Variants in DPP6 observed in about 807,000 individuals in gnomAD.
The protein encoded by DPP6 is A-type potassium channel modulatory protein DPP6.
Under a neutral mutation model 122.6 loss-of-function variants are expected in DPP6, and 69 were observed. That is an observed-to-expected ratio of 0.56 (90% CI 0.46 to 0.69). The LOEUF (loss-of-function observed/expected upper bound fraction) is 0.69, where lower values mean the gene tolerates loss of function less well. Ranked by LOEUF, DPP6 falls within the 30% of genes least tolerant of loss-of-function variation. The pLI is 0.00. For synonymous variants in DPP6, 418 were observed against 433.1 expected, an observed-to-expected ratio of 0.97 and a Z score of 0.43; for missense variants, 928 against 1,116.9, an observed-to-expected ratio of 0.83 and a Z score of 2.41.
upstream of DPP6, among the ~76,000 whole-genome samples, chr7:153,884,853 AC>A (rs1227327356): frequency 5.3e-5 from 8 of 151,386 alleles, no homozygotes; most frequent in East Asian, 1.4e-3. Flanking sequence ...GGTGGTGGGC[AC>A]CTGTAGTCCC....
chr7:154,716,732 T>TATATTATG (rs1284134369), intron 7 of DPP6, among the ~76,000 whole-genome samples: 1 of 147,122 alleles, frequency 6.8e-6, no homozygotes. Flanking sequence ...GATAGCTCAA[T>TATATTATG]ATATTATGCC....
At chr7:154,422,225 G>A (rs1261336236) in intron 1 of DPP6, among the ~76,000 whole-genome samples, 1 of 152,188 alleles carries the variant, frequency 6.6e-6, no homozygotes, top group Non-Finnish European at 1.5e-5. Context: ...AAAAGCTGGA[G>A]CACAAGGAAA....
chr7:154,295,652 T>A lies in DPP6; in HGVS notation c.244-150562T>A, dbSNP rs1401383550. On this transcript the variant is annotated intron_variant, in intron 1 of 25. Coordinates refer to ENST00000377770, the MANE Select transcript of DPP6 (RefSeq NM_130797.4). ...TTCACTTCCTTTTTCCTTATTTCCC[T>A]CATAATCCACTCCCCTTCCCCTCCC... Among the ~76,000 whole-genome samples the A allele has an allele frequency of 4.6e-5, 7 of 152,228 alleles. No individual in the cohort carries two copies. In the East Asian group the frequency reaches 1.4e-3, roughly 29 times the overall value.
intron 6 of DPP6, among the ~76,000 whole-genome samples, chr7:154,655,655 G>A (rs1010424557): frequency 2.6e-5 from 4 of 152,242 alleles, no homozygotes; most frequent in African/African-American, 7.2e-5. Context: ...TCCGGGACAT[G>A]CTGGAAAATC....
At chr7:154,161,006 G>A (rs1392996875) in intron 1 of DPP6, among the ~76,000 whole-genome samples, 5 of 152,132 alleles carry the variant, frequency 3.3e-5, no homozygotes, top group Non-Finnish European at 7.3e-5. Flanking sequence ...ACCAGCAGTG[G>A]CAGGTCTACT....
At chr7:154,511,578 C>G (rs6964455) in intron 3 of DPP6, among the ~76,000 whole-genome samples, 67,193 of 151,988 alleles carry the variant, frequency 0.44, 15,050 homozygotes, top group Middle Eastern at 0.48. Context: ...AATGAGAAAG[C>G]AGCTGAAAGA....
chr7:154,239,553 T>A (rs984198744), intron 1 of DPP6, among the ~76,000 whole-genome samples: 4 of 138,644 alleles, frequency 2.9e-5, no homozygotes, highest in Admixed American at 2.0e-4. Context: ...TATTGTAAGA[T>A]CACTTTATTG....
At chr7:154,072,484 T>C (rs1803187538) in intron 1 of DPP6, among the ~76,000 whole-genome samples, 1 of 152,156 alleles carries the variant, frequency 6.6e-6, no homozygotes, top group Admixed American at 6.5e-5. Flanking sequence ...TCCCTGATTG[T>C]GCATTTGTAA....
chr7:154,283,840 C>T (rs967622319), intron 1 of DPP6, among the ~76,000 whole-genome samples: 2 of 152,176 alleles, frequency 1.3e-5, no homozygotes, highest in African/African-American at 4.8e-5. Context: ...GGGACATTTG[C>T]TCCTTATTCT....
At position 154,013,751 on chromosome 7, in the gene DPP6, C is replaced by T. The variant is rs554537232; in HGVS notation, c.51+126017C>T. 6.6e-5 allele frequency among the ~76,000 whole-genome samples: 10 copies of T among 152,264 alleles called. No homozygotes were observed. In the South Asian group the frequency reaches 1.9e-3, roughly 28 times the overall value. On this transcript the variant is annotated intron_variant, in intron 1 of 25. Coordinates refer to the DPP6 transcript ENST00000404039. ...GCTTCCTGTCTTGATTGGCATGGAA[C>T]TTGCTCTGCTCCTCATGTTTCTATT...
At chr7:154,543,624 T>G (rs144385869) in intron 4 of DPP6, among the ~76,000 whole-genome samples, 18 of 152,366 alleles carry the variant, frequency 1.2e-4, no homozygotes, top group Non-Finnish European at 2.4e-4. Flanking sequence ...CTAAATTTAC[T>G]AATTCAGTCA....
chr7:154,305,273 G>A, intron 1 of DPP6: 1 of 1,304,126 alleles, frequency 7.7e-7, no homozygotes, highest in Non-Finnish European at 9.7e-7. Context: ...CTAAGCAGCG[G>A]CAGCTTCCTG....
intron 1 of DPP6, among the ~76,000 whole-genome samples, chr7:154,062,064 G>A (rs1485779993): frequency 6.0e-5 from 5 of 83,912 alleles, no homozygotes; most frequent in South Asian, 4.9e-4. Flanking sequence ...CCAGCCCCTG[G>A]TTCCCCCACT....
At chr7:154,117,821 G>A (rs564551260) in intron 1 of DPP6, among the ~76,000 whole-genome samples, 1 of 151,920 alleles carries the variant, frequency 6.6e-6, no homozygotes, top group East Asian at 1.9e-4. Flanking sequence ...GACACATACC[G>A]TGTTTCTGAG....
chr7:154,334,503 C>G (rs772410751), intron 1 of DPP6, among the ~76,000 whole-genome samples: 2 of 152,208 alleles, frequency 1.3e-5, no homozygotes, highest in Non-Finnish European at 2.9e-5. Context: ...CGTGGAAAAG[C>G]CAAGATGCCT....
rs1026606492 is a variant in DPP6 at position 154,499,823 on chromosome 7, C to T, written c.457+24786C>T. ...AGTATGTGTGTGGGGGTCCTAAAGA[C>T]AACCAGGTTTCATGAGTCACTGGGA... On this transcript the variant is annotated intron_variant, in intron 3 of 25. Coordinates refer to ENST00000377770, the MANE Select transcript of DPP6 (RefSeq NM_130797.4). 3.9e-5 allele frequency among the ~76,000 whole-genome samples: 6 copies of T among 152,160 alleles called. No homozygotes were observed. The East Asian group carries it at 1.2e-3, about 29-fold the overall frequency.
At chr7:154,502,784 C>T (rs561764098) in intron 3 of DPP6, among the ~76,000 whole-genome samples, 3 of 152,172 alleles carry the variant, frequency 2.0e-5, no homozygotes, top group Admixed American at 6.5e-5. Flanking sequence ...TTTTGTAGTT[C>T]GTAGGAAGGC....
At position 154,841,350 on chromosome 7, in the gene DPP6, CCCT is replaced by C. The variant is rs1563271525; in HGVS notation, c.1667-12429_1667-12427del. On this transcript the variant is annotated intron_variant, in intron 16 of 25. Coordinates refer to ENST00000377770, the MANE Select transcript of DPP6 (RefSeq NM_130797.4). The stretch of plus-strand genomic sequence containing the variant: ...CTTTGCCCCCCTGTAGCCTTTGCCC[CCCT>C]GTAGCCTTTGCCCCCCTGCAGGCTT... Among the ~76,000 whole-genome samples, 90 of 150,336 alleles carry C rather than the reference CCCT, an allele frequency of 6.0e-4. No homozygotes were observed. In the South Asian group the frequency reaches 9.0e-3, roughly 15 times the overall value.
chr7:154,870,964 A>G (rs1238485342), intron 18 of DPP6, among the ~76,000 whole-genome samples: 1 of 14,402 alleles, frequency 6.9e-5, no homozygotes, highest in Non-Finnish European at 1.3e-4. Flanking sequence ...CTCCATCTCA[A>G]AAAAAAAAAA....
Sources: gnomAD v4.1 joint callset for allele counts (sites outside exome capture counted in the v4.1 genomes callset) on GRCh38, gnomAD v4.1.1 for gene constraint, MANE v1.5 for transcripts, NCBI Gene and HGNC (gene_info 2026-07-23, HGNC 2026-07-21) for gene names.